The following C2CD3 variants were observed in gnomAD, a reference collection of about 807,000 sequenced individuals.
The protein encoded by C2CD3 is C2 domain-containing protein 3.
C2CD3 carries 148 observed loss-of-function variants against 234.0 expected under a neutral mutation model. The ratio of observed to expected loss-of-function variants is 0.63; its 90% CI spans 0.55 to 0.72. The LOEUF (loss-of-function observed/expected upper bound fraction) is 0.72. Among genes scored for constraint, C2CD3 ranks in the 30% least tolerant of loss-of-function variants. The pLI, the probability that C2CD3 is intolerant of heterozygous loss-of-function variation, is 0.00. For synonymous variants in C2CD3, 1,000 were observed against 1,035.4 expected, an observed-to-expected ratio of 0.97 and a Z score of 0.66; for missense variants, 2,577 against 2,811.5, an observed-to-expected ratio of 0.92 and a Z score of 1.89.
At chr11:74,144,210 T>C (rs1474149716) in intron 3 of C2CD3, among the ~76,000 whole-genome samples, 1 of 152,190 alleles carries the variant, frequency 6.6e-6, no homozygotes, top group African/African-American at 2.4e-5. Flanking sequence ...TGGGTCCTTC[T>C]TATCATATCC....
chr11:74,018,055 G>C (rs1455943916), intron 32 of C2CD3, among the ~76,000 whole-genome samples: 1 of 152,208 alleles, frequency 6.6e-6, no homozygotes, highest in African/African-American at 2.4e-5. Context: ...TCAAGACCAA[G>C]ATGCTTTCTC....
intron 21 of C2CD3, chr11:74,085,409 T>A (rs976500321): frequency 2.1e-5 from 12 of 568,948 alleles, no homozygotes; most frequent in Non-Finnish European, 3.1e-5. Flanking sequence ...CCATTAACAC[T>A]GACACATTTG....
intron 32 of C2CD3, among the ~76,000 whole-genome samples, chr11:74,015,498 C>T (rs76331846): frequency 0.024 from 3,672 of 152,268 alleles, 141 homozygotes; most frequent in African/African-American, 0.083. Flanking sequence ...ATTCCTGACC[C>T]CCAGCTGTAC....
chr11:74,052,875 TCAC>T (rs1411427692), intron 26 of C2CD3, among the ~76,000 whole-genome samples: 2 of 152,168 alleles, frequency 1.3e-5, no homozygotes, highest in African/African-American at 4.8e-5. Flanking sequence ...GCTCCAAATA[TCAC>T]CACTGGCAAA....
chr11:74,102,790 A>G (rs1342720937), intron 14 of C2CD3, among the ~76,000 whole-genome samples: 1 of 152,224 alleles, frequency 6.6e-6, no homozygotes, highest in Admixed American at 6.5e-5. Context: ...AAATATATAA[A>G]ATAAAGTAAT....
rs1242855670 is a variant in C2CD3 at position 74,168,342 on chromosome 11, AC to A, written c.325+1del. The A allele has an allele frequency of 1.2e-6, 2 of 1,611,166 alleles. No individual in the cohort carries two copies. Among genetic ancestry groups the A allele is most frequent in the Non-Finnish European group, 1.7e-6 (2 of 1,177,386 alleles). On this transcript the variant is annotated splice_donor_variant, in intron 2 of 32. Transcript: ENST00000334126. LOFTEE classifies it high-confidence loss of function. ...AGGTGCAATGATAAAACAATAACAT[AC>A]CTGTTAGATAAGAGGTAAACTGTTT... is the stretch of plus-strand genomic sequence containing the variant.
At chr11:74,133,193 A>G (rs1486543674) in intron 6 of C2CD3, among the ~76,000 whole-genome samples, 2 of 152,196 alleles carry the variant, frequency 1.3e-5, no homozygotes, top group African/African-American at 4.8e-5. Flanking sequence ...TTTACATCCA[A>G]GGATACCAGT....
intron 27 of C2CD3, 141 bp downstream of exon 27, chr11:74,049,196 C>A: frequency 1.5e-6 from 1 of 672,562 alleles, no homozygotes. Flanking sequence ...TTTCATCACC[C>A]CAAAAGGTCA....
At chr11:74,053,113 G>C (rs180997586) in intron 26 of C2CD3, among the ~76,000 whole-genome samples, 2 of 152,358 alleles carry the variant, frequency 1.3e-5, no homozygotes, top group African/African-American at 2.4e-5. Flanking sequence ...TGTACAGCCA[G>C]TAAGAACTGG....
At chr11:74,013,644 C>T in intron 32 of C2CD3, 119 bp from the exon 33 acceptor site, 1 of 569,624 alleles carries the variant, frequency 1.8e-6, no homozygotes, top group Non-Finnish European at 2.7e-6. Flanking sequence ...GCCTGGTTTA[C>T]AAAGCGCTTT....
chr11:74,077,817 A>C (rs1451233279), intron 23 of C2CD3, among the ~76,000 whole-genome samples: 4 of 29,498 alleles, frequency 1.4e-4, no homozygotes, highest in South Asian at 1.3e-3. Flanking sequence ...ATATATATAT[A>C]TATATATATA....
rs771222898 is a variant in C2CD3 at position 74,118,346 on chromosome 11, C to T, written c.1402G>A (p.Glu468Lys). 1 of 1,613,224 alleles carries T rather than the reference C, an allele frequency of 6.2e-7. No individual in the cohort carries two copies. ...DTSISDFLSE[E>K]DDIVPSKKIS... The stretch of plus-strand genomic sequence containing the variant: ...TTTTTAGAAGGGACGATATCATCCT[C>T]TTCACTGAGGAAATCACTGATGCTG... The change falls in exon 9 of 33, where the codon GAG becomes AAG. Residue 468 changes from glutamate to lysine, a missense_variant. Coordinates refer to ENST00000334126, the MANE Select transcript of C2CD3 (RefSeq NM_001286577.2).
chr11:74,049,534 T>A lies in C2CD3; in HGVS notation c.5164A>T (p.Arg1722Trp). The A allele has an allele frequency of 1.2e-6, 2 of 1,611,850 alleles. No individual in the cohort carries two copies. Among genetic ancestry groups the A allele is most frequent in the Non-Finnish European group, 1.7e-6 (2 of 1,179,748 alleles). The part of the protein sequence containing the change: ...FKVWHKGDEE[R>W]VIGFASVDLS... Reference sequence around the variant, plus strand: ...TCCACCGAGGCAAAGCCAATCACCCTCTCCTCATCTGTAGAGGAAAGAGAA... The same window carrying A: ...TCCACCGAGGCAAAGCCAATCACCCACTCCTCATCTGTAGAGGAAAGAGAA... The change falls in exon 27 of 33, where the codon AGG (arginine) becomes TGG (tryptophan). Residue 1722 changes from arginine (R) to tryptophan (W), a missense_variant. Transcript: ENST00000334126.
intron 2 of C2CD3, among the ~76,000 whole-genome samples, chr11:74,163,844 G>T (rs570035041): frequency 1.1e-4 from 16 of 152,154 alleles, no homozygotes; most frequent in Non-Finnish European, 1.9e-4. Flanking sequence ...ACTATAAAAT[G>T]ATGTACACAT....
intron 3 of C2CD3, among the ~76,000 whole-genome samples, chr11:74,146,668 T>A (rs987418445): frequency 6.6e-6 from 1 of 151,758 alleles, no homozygotes; most frequent in African/African-American, 2.4e-5. Context: ...CATAAAGCTA[T>A]TTACTGTCTT....
chr11:74,115,530 A>G (rs1956896969), intron 9 of C2CD3, among the ~76,000 whole-genome samples: 1 of 152,030 alleles, frequency 6.6e-6, no homozygotes, highest in Non-Finnish European at 1.5e-5. Context: ...AATCAAAAAT[A>G]TGAAAACGAC....
At chr11:74,044,221 G>C (rs1012478162) in intron 28 of C2CD3, among the ~76,000 whole-genome samples, 4 of 152,096 alleles carry the variant, frequency 2.6e-5, no homozygotes, top group Admixed American at 2.6e-4. Flanking sequence ...ACTTTGGGAG[G>C]CCGAGGCAGG....
Position 74,078,545 on chromosome 11 carries a change from G to A in C2CD3, c.4173C>T (p.Asn1391=). ...CCATTCTGACAAAATCTTTCAGGCT[G>A]TTCTCAAAGCTCCAGCCCAAATGCT... The part of the protein sequence containing the change: ...AAEHLGWSFE[N]SLKDFVRMDE... Residue 1391 remains asparagine (N), a synonymous_variant, in exon 23 of 33, where the codon AAC becomes AAT. Transcript: ENST00000334126. The A allele has an allele frequency of 6.2e-7, 1 of 1,614,082 alleles. No homozygotes were observed. Among genetic ancestry groups the A allele is most frequent in the Non-Finnish European group, 8.5e-7 (1 of 1,180,008 alleles).
intron 22 of C2CD3, among the ~76,000 whole-genome samples, chr11:74,080,554 T>C (rs1955301666): frequency 6.6e-6 from 1 of 152,212 alleles, no homozygotes; most frequent in South Asian, 2.1e-4. Flanking sequence ...CACAGATTAT[T>C]AGATGGTTAC....
Sources: gnomAD v4.1 joint callset for allele counts (sites outside exome capture counted in the v4.1 genomes callset) on GRCh38, gnomAD v4.1.1 for gene constraint, MANE v1.5 for transcripts, NCBI Gene and HGNC (gene_info 2026-07-23, HGNC 2026-07-21) for gene names.